The following NAALAD2 variants were observed in gnomAD, a reference collection of about 807,000 sequenced individuals.
NAALAD2 encodes the protein N-acetylated alpha-linked acidic dipeptidase 2, also known as N-acetylated-alpha-linked acidic dipeptidase 2.
In NAALAD2, 89 loss-of-function variants were observed where a neutral mutation model predicts 95.6. The ratio of observed to expected loss-of-function variants is 0.93; its 90% CI spans 0.78 to 1.11. NAALAD2 has a LOEUF of 1.11. Ranked by LOEUF, NAALAD2 falls within the 50% of genes least tolerant of loss-of-function variation. NAALAD2 has a pLI of 0.00. For missense variants in NAALAD2, 894 were observed against 872.4 expected (o/e 1.02, Z -0.31); for synonymous variants, 264 against 294.4 (o/e 0.90, Z 1.06).
chr11:90,184,365 G>A (rs1164665681), intron 18 of NAALAD2, among the ~76,000 whole-genome samples: 1 of 152,030 alleles, frequency 6.6e-6, no homozygotes, highest in Non-Finnish European at 1.5e-5. Flanking sequence ...TTACTCAATA[G>A]GCCTGTAGAT....
At chr11:90,163,654 G>T in intron 11 of NAALAD2, 37 bp downstream of exon 11, 1 of 1,579,908 alleles carries the variant, frequency 6.3e-7, no homozygotes, top group Non-Finnish European at 8.7e-7. Context: ...TATTTTTTTG[G>T]TCAACAGGGA....
chr11:90,143,657 T>C (rs1284957533), intron 2 of NAALAD2, among the ~76,000 whole-genome samples: 1 of 152,172 alleles, frequency 6.6e-6, no homozygotes, highest in African/African-American at 2.4e-5. Context: ...CCTCTTCTCT[T>C]TTAATACTCC....
At chr11:90,141,773 T>G (rs1035514721) in intron 2 of NAALAD2, among the ~76,000 whole-genome samples, 1 of 152,140 alleles carries the variant, frequency 6.6e-6, no homozygotes, top group Non-Finnish European at 1.5e-5. Flanking sequence ...GAGTTTGGTT[T>G]GTTTGTTTGT....
At chr11:90,186,477 C>A (rs201690420) in intron 18 of NAALAD2, among the ~76,000 whole-genome samples, 1 of 152,000 alleles carries the variant, frequency 6.6e-6, no homozygotes, top group Non-Finnish European at 1.5e-5. Flanking sequence ...TGAATAATGC[C>A]GCAATAAACA....
chr11:90,169,041 C>T, intron 12 of NAALAD2, 49 bp downstream of exon 12: 1 of 1,341,848 alleles, frequency 7.5e-7, no homozygotes, highest in Non-Finnish European at 1.1e-6. Context: ...GGAAATTTTA[C>T]TTCAAGTAAC....
intron 17 of NAALAD2, 32 bp downstream of exon 17, chr11:90,181,733 AAAAAAAAAAG>A: frequency 7.8e-7 from 1 of 1,286,444 alleles, no homozygotes; most frequent in Non-Finnish European, 1.1e-6. Flanking sequence ...TTTTAAAAAA[AAAAAAAAAAG>A]CAATCTGGTT....
intron 6 of NAALAD2, among the ~76,000 whole-genome samples, chr11:90,153,170 C>T (rs1951935653): frequency 6.6e-6 from 1 of 152,124 alleles, no homozygotes; most frequent in Admixed American, 6.6e-5. Context: ...GGCTATAGCA[C>T]AGTTTATTCC....
intron 1 of NAALAD2, 24 bp from the exon 2 acceptor site, chr11:90,135,535 T>A (rs939048560): frequency 1.3e-6 from 2 of 1,544,534 alleles, no homozygotes; most frequent in Admixed American, 1.7e-5. Flanking sequence ...TATGTGTGCA[T>A]GTTTGTGTAT....
Position 90,191,954 on chromosome 11 carries a change from T to TA in NAALAD2, c.*213dup, listed in dbSNP as rs1857341432. The TA allele has an allele frequency of 6.2e-6, 2 of 323,160 alleles. No homozygotes were observed. The highest frequency in any genetic ancestry group is 2.1e-5 in the African/African-American group (1 of 47,160). 20.0% of individuals were successfully genotyped at this position (323,160 alleles called of 1,614,324 possible). A position where few individuals can be genotyped will look rare whatever the true frequency, so the allele number is the denominator to read the frequency against. ...TTAGCAAAGTGTTAATCTAATGAAG[T>TA]AAAAAACTCCTGTGTGGCAGAAAGT... On this transcript the variant is annotated 3_prime_UTR_variant, in exon 19 of 19. Transcript: ENST00000534061.
chr11:90,138,999 A>C (rs184348667), intron 2 of NAALAD2, among the ~76,000 whole-genome samples: 1 of 152,000 alleles, frequency 6.6e-6, no homozygotes, highest in Non-Finnish European at 1.5e-5. Flanking sequence ...CATAGAGTGC[A>C]GTGAGCCTTA....
intron 6 of NAALAD2, among the ~76,000 whole-genome samples, chr11:90,155,631 A>AAT (rs1223683982): frequency 2.8e-4 from 11 of 38,992 alleles, no homozygotes; most frequent in South Asian, 1.9e-3. Flanking sequence ...CATATATATT[A>AAT]ATATATATAT....
At chr11:90,163,176 A>C (rs764891375) in intron 9 of NAALAD2, 134 bp from the exon 10 acceptor site, 1 of 1,245,072 alleles carries the variant, frequency 8.0e-7, no homozygotes, top group East Asian at 2.4e-5. Context: ...ACAAATCTAA[A>C]AGAAGATTTT....
At chr11:90,154,075 CT>C (rs1432589552) in intron 6 of NAALAD2, among the ~76,000 whole-genome samples, 2 of 151,246 alleles carry the variant, frequency 1.3e-5, no homozygotes, top group African/African-American at 4.9e-5. Context: ...CTCTTTCTTT[CT>C]TTCTCTCTTT....
intron 12 of NAALAD2, 133 bp downstream of exon 12, chr11:90,169,125 CCTTT>C: frequency 1.8e-6 from 1 of 558,326 alleles, no homozygotes; most frequent in South Asian, 2.8e-5. Flanking sequence ...ATATCCCCTT[CCTTT>C]GAGATGCCTC....
chr11:90,177,754 G>T (rs1019683865), intron 15 of NAALAD2, 99 bp from the exon 16 acceptor site: 74 of 1,241,898 alleles, frequency 6.0e-5, no homozygotes, highest in Non-Finnish European at 8.2e-5. Flanking sequence ...TGACTGGCTG[G>T]TTGTTATTTT....
chr11:90,159,972 A>T (rs978803102), intron 8 of NAALAD2, among the ~76,000 whole-genome samples: 1 of 151,768 alleles, frequency 6.6e-6, no homozygotes, highest in African/African-American at 2.4e-5. Flanking sequence ...AAAAAAAAAA[A>T]AAAACTAGGT....
At chr11:90,189,581 C>T (rs1857262934) in intron 18 of NAALAD2, among the ~76,000 whole-genome samples, 2 of 151,966 alleles carry the variant, frequency 1.3e-5, no homozygotes, top group African/African-American at 4.8e-5. Context: ...CCAGCCTGGC[C>T]AACATGGTGA....
rs1411376546 is a variant in NAALAD2 at position 90,170,082 on chromosome 11, C to G, written c.1356C>G (p.Leu452=). ...TTTATTTTTCAGGCAATTATACTCT[C>G]AGAGTTGACTGTACTCCCCTTCTTT... The part of the protein sequence containing the change: ...SDSSIEGNYT[L]RVDCTPLLYQ... Residue 452 remains leucine (L), a synonymous_variant, in exon 13 of 19, where the codon CTC becomes CTG. Coordinates refer to ENST00000534061, the MANE Select transcript of NAALAD2 (RefSeq NM_005467.4). 3 of 1,583,646 alleles carry G rather than the reference C, an allele frequency of 1.9e-6. No individual in the cohort carries two copies. Among genetic ancestry groups the G allele is most frequent in the Non-Finnish European group, 2.6e-6 (3 of 1,152,616 alleles).
At chr11:90,139,897 A>G (rs938305527) in intron 2 of NAALAD2, among the ~76,000 whole-genome samples, 3 of 132,422 alleles carry the variant, frequency 2.3e-5, no homozygotes, top group Non-Finnish European at 5.0e-5. Flanking sequence ...TGCTGGATTT[A>G]TTTTGAAAAT....
Sources: gnomAD v4.1 joint callset for allele counts (sites outside exome capture counted in the v4.1 genomes callset) on GRCh38, gnomAD v4.1.1 for gene constraint, MANE v1.5 for transcripts, NCBI Gene and HGNC (gene_info 2026-07-23, HGNC 2026-07-21) for gene names.